PXDNL: variants seen among roughly 807,000 people sequenced by gnomAD.
PXDNL encodes the protein probable oxidoreductase PXDNL.
PXDNL carries 145 observed loss-of-function variants against 150.8 expected under a neutral mutation model. That is an observed-to-expected ratio of 0.96 (90% CI 0.84 to 1.10). PXDNL has a LOEUF of 1.10. Ranked by LOEUF, PXDNL falls within the 50% of genes least tolerant of loss-of-function variation. The pLI is 0.00. For missense variants in PXDNL, 2,087 were observed against 1,873.9 expected (o/e 1.11, Z -2.10); for synonymous variants, 757 against 725.7 (o/e 1.04, Z -0.69).
chr8:51,545,609 C>A (rs1812342661), intron 4 of PXDNL, among the ~76,000 whole-genome samples: 1 of 152,108 alleles, frequency 6.6e-6, no homozygotes, highest in African/African-American at 2.4e-5. Context: ...GGCAGAAAGG[C>A]ATCCCATGGC....
chr8:51,578,005 GGAAGGAAGGAAGGAAGGA>G (rs1813117789), intron 3 of PXDNL, among the ~76,000 whole-genome samples: 7 of 74,966 alleles, frequency 9.3e-5, no homozygotes, highest in African/African-American at 4.1e-4. Context: ...GAAAGAGGAA[GGAAGGAAGGAAGGAAGGA>G]AGGAAGGAAG....
At chr8:51,563,675 G>C (rs558572341) in intron 3 of PXDNL, among the ~76,000 whole-genome samples, 92 of 151,968 alleles carry the variant, frequency 6.1e-4, no homozygotes, top group African/African-American at 2.2e-3. Flanking sequence ...ATAATAACTG[G>C]CTTACAAAAA....
intron 10 of PXDNL, among the ~76,000 whole-genome samples, chr8:51,452,559 G>C (rs117794367): frequency 0.02 from 3,058 of 152,202 alleles, 42 homozygotes; most frequent in Non-Finnish European, 0.03. Context: ...TGCTTTGTGG[G>C]GGCCAAGATC....
intron 1 of PXDNL, among the ~76,000 whole-genome samples, chr8:51,660,951 G>GC (rs1332137366): frequency 6.6e-6 from 1 of 151,992 alleles, no homozygotes; most frequent in Non-Finnish European, 1.5e-5. Flanking sequence ...CTTTGCGACC[G>GC]CCCCCCATCC....
intron 4 of PXDNL, among the ~76,000 whole-genome samples, chr8:51,518,230 G>A (rs927183082): frequency 6.6e-6 from 1 of 152,154 alleles, no homozygotes; most frequent in African/African-American, 2.4e-5. Context: ...GGATTCCAAT[G>A]CTGAATTTCC....
chr8:51,553,218 G>C (rs13252991), intron 4 of PXDNL, among the ~76,000 whole-genome samples: 10,529 of 152,268 alleles, frequency 0.069, 459 homozygotes, highest in South Asian at 0.1. Flanking sequence ...AGCTCTCGTG[G>C]GTTGAAGTCT....
At chr8:51,710,572 C>A (rs1375671576) in intron 1 of PXDNL, among the ~76,000 whole-genome samples, 10 of 152,092 alleles carry the variant, frequency 6.6e-5, no homozygotes, top group African/African-American at 1.2e-4. Context: ...ACTTTGTATC[C>A]TTTGACCAAT....
At chr8:51,554,580 C>A (rs1419864919) in intron 4 of PXDNL, among the ~76,000 whole-genome samples, 1 of 152,178 alleles carries the variant, frequency 6.6e-6, no homozygotes, top group Admixed American at 6.5e-5. Flanking sequence ...TTAATAGAAG[C>A]TGTGCAGCTC....
Position 51,382,132 on chromosome 8 carries a change from G to T in PXDNL, c.3558-7401C>A, listed in dbSNP as rs191115077. ...GATTACGTGTGTGAGCCACCGCTCC[G>T]GGCCATGGTGTCCTTATCTTTAAAA... is the stretch of plus-strand genomic sequence containing the variant. On this transcript the variant is annotated intron_variant, in intron 17 of 22. Transcript: ENST00000356297. Among the ~76,000 whole-genome samples, 8 of 152,134 alleles carry T rather than the reference G, an allele frequency of 5.3e-5. No individual in the cohort carries two copies. The South Asian group carries it at 1.5e-3, about 28-fold the overall frequency.
At chr8:51,744,111 A>AAGG (rs2036944454) in intron 1 of PXDNL, among the ~76,000 whole-genome samples, 3 of 138,672 alleles carry the variant, frequency 2.2e-5, no homozygotes, top group African/African-American at 5.4e-5. Context: ...AGAAAGAAAG[A>AAGG]AAGAAAGAAA....
At chr8:51,372,219 T>C (rs1807144595) in intron 18 of PXDNL, 138 bp from the exon 19 acceptor site, 1 of 622,764 alleles carries the variant, frequency 1.6e-6, no homozygotes, top group Non-Finnish European at 2.9e-6. Flanking sequence ...GTTCTCCAAC[T>C]GAGTATCCTT....
At chr8:51,435,762 G>C in intron 12 of PXDNL, 2 of 402,216 alleles carry the variant, frequency 5.0e-6, no homozygotes, top group Non-Finnish European at 9.9e-6. Context: ...GTTTGCAAGG[G>C]GGAGTGAAAA....
intron 5 of PXDNL, among the ~76,000 whole-genome samples, chr8:51,493,464 C>G (rs562121967): frequency 5.3e-5 from 8 of 152,198 alleles, no homozygotes; most frequent in Admixed American, 4.6e-4. Flanking sequence ...GAGAAGGTGT[C>G]AGATGATCAA....
intron 17 of PXDNL, among the ~76,000 whole-genome samples, chr8:51,381,869 T>C (rs1353252537): frequency 6.6e-6 from 1 of 151,250 alleles, no homozygotes; most frequent in Admixed American, 6.6e-5. Flanking sequence ...ATAAGAAAAA[T>C]AGAAACACTA....
intron 1 of PXDNL, among the ~76,000 whole-genome samples, chr8:51,751,383 T>C (rs1006755287): frequency 3.3e-5 from 5 of 152,248 alleles, no homozygotes; most frequent in African/African-American, 1.2e-4. Flanking sequence ...TTTGTCCCTA[T>C]CAAAGTATCT....
intron 2 of PXDNL, among the ~76,000 whole-genome samples, chr8:51,600,936 T>C (rs1475065089): frequency 7.3e-6 from 1 of 137,686 alleles, no homozygotes; most frequent in East Asian, 2.0e-4. Flanking sequence ...ATATAATTTA[T>C]ATAATAAATT....
intron 17 of PXDNL, among the ~76,000 whole-genome samples, chr8:51,405,076 G>A (rs111331166): frequency 3.2e-4 from 48 of 152,236 alleles, no homozygotes; most frequent in Admixed American, 8.5e-4. Context: ...GCCTGGGGCC[G>A]GCAGCCCCGG....
intron 5 of PXDNL, among the ~76,000 whole-genome samples, chr8:51,488,796 A>G (rs534317830): frequency 6.6e-6 from 1 of 152,342 alleles, no homozygotes; most frequent in Non-Finnish European, 1.5e-5. Context: ...TGGGAGGTTA[A>G]TTAGGAACAT....
chr8:51,394,388 A>C (rs1228847302), intron 17 of PXDNL, among the ~76,000 whole-genome samples: 1 of 152,196 alleles, frequency 6.6e-6, no homozygotes, highest in Non-Finnish European at 1.5e-5. Flanking sequence ...TTTTGATTTG[A>C]CTGTCTCATA....
Sources: gnomAD v4.1 joint callset for allele counts (sites outside exome capture counted in the v4.1 genomes callset) on GRCh38, gnomAD v4.1.1 for gene constraint, MANE v1.5 for transcripts, NCBI Gene and HGNC (gene_info 2026-07-23, HGNC 2026-07-21) for gene names.